Variants in ALDH1A2 observed in about 807,000 individuals in gnomAD.
The protein encoded by ALDH1A2 is retinal dehydrogenase 2.
A neutral mutation model predicts 60.3 loss-of-function variants in ALDH1A2; 27 were observed. The observed-to-expected ratio is 0.45, with a 90% CI of 0.33 to 0.62. The LOEUF (loss-of-function observed/expected upper bound fraction) is 0.62, where lower values mean the gene tolerates loss of function less well. Ranked by LOEUF, ALDH1A2 falls within the 20% of genes least tolerant of loss-of-function variation. The pLI is 0.02. For missense variants in ALDH1A2, 581 were observed against 643.8 expected (o/e 0.90, Z 1.06); for synonymous variants, 289 against 232.4 (o/e 1.24, Z -2.21).
rs1420006463 is a variant in ALDH1A2 at position 57,965,746 on chromosome 15, T to C, written c.880A>G (p.Ile294Val). Residue 294 changes from isoleucine to valine, a missense_variant, in exon 8 of 13, where the codon ATT (isoleucine) becomes GTT (valine). By Grantham distance (29) the Ile-to-Val change is conservative. Coordinates refer to ENST00000249750, the MANE Select transcript of ALDH1A2 (RefSeq NM_003888.4). ...TTACAGTCAGCATCAGCAAAAATAA[T>C]ATTAGGACTTTTGCCTCCAAGTTCC... Reference protein sequence around the residue: ...TLELGGKSPNIIFADADLDYA... With the variant: ...TLELGGKSPNVIFADADLDYA... 4 of 1,613,864 alleles carry C rather than the reference T, an allele frequency of 2.5e-6. No homozygotes were observed. The highest frequency in any genetic ancestry group is 1.3e-5 in the African/African-American group (1 of 74,940).
At chr15:58,019,430 T>G (rs182373364) in intron 1 of ALDH1A2, among the ~76,000 whole-genome samples, 4 of 152,326 alleles carry the variant, frequency 2.6e-5, no homozygotes, top group East Asian at 1.9e-4. Context: ...AGAATTAGTA[T>G]GAGGAAAAAT....
chr15:58,044,359 C>T (rs372995852), intron 1 of ALDH1A2, among the ~76,000 whole-genome samples: 31 of 151,908 alleles, frequency 2.0e-4, no homozygotes, highest in East Asian at 5.9e-4. Flanking sequence ...CCTGTGTCCA[C>T]GGGTTCTCAT....
Position 57,961,251 on chromosome 15 carries a change from T to C in ALDH1A2, c.1295A>G (p.Asp432Gly), listed in dbSNP as rs756250570. 4.3e-6 allele frequency: 7 copies of C among 1,614,094 alleles called. No individual in the cohort carries two copies. Among genetic ancestry groups the C allele is most frequent in the Non-Finnish European group, 4.2e-6 (5 of 1,179,992 alleles). The change falls in exon 11 of 13, where the codon GAT (aspartate) becomes GGT (glycine). Residue 432 changes from aspartate (D) to glycine (G), a missense_variant. Around this residue, in one of 2 missense-constraint regions of ALDH1A2, gnomAD observed 375 missense variants for 469.7 expected, o/e 0.80. Transcript: ENST00000249750. ...GTTATTGGCTCTTTCGATAACTTCATCCATCGTCTTAAATCTCAAAATTTC... is the reference window on the plus strand; with the variant it reads ...GTTATTGGCTCTTTCGATAACTTCACCCATCGTCTTAAATCTCAAAATTTC... ...VQEILRFKTM[D>G]EVIERANNSD...
chr15:58,022,349 T>C (rs1895950752), intron 1 of ALDH1A2, among the ~76,000 whole-genome samples: 1 of 152,136 alleles, frequency 6.6e-6, no homozygotes, highest in South Asian at 2.1e-4. Flanking sequence ...TACCTGCAAG[T>C]GCAACCTCGG....
chr15:57,977,947 C>T (rs1176347440), intron 7 of ALDH1A2, among the ~76,000 whole-genome samples: 2 of 152,026 alleles, frequency 1.3e-5, no homozygotes, highest in African/African-American at 4.8e-5. Context: ...GTATTTTATT[C>T]TCTTTATAGT....
At chr15:57,963,258 T>TGGGTTCTA (rs1410787815) in intron 9 of ALDH1A2, among the ~76,000 whole-genome samples, 1 of 152,146 alleles carries the variant, frequency 6.6e-6, no homozygotes, top group Non-Finnish European at 1.5e-5. Context: ...GGACTGGGAC[T>TGGGTTCTA]GGGTTCTAGT....
intron 7 of ALDH1A2, among the ~76,000 whole-genome samples, chr15:57,975,693 T>A (rs1894226357): frequency 6.6e-6 from 1 of 152,106 alleles, no homozygotes; most frequent in Non-Finnish European, 1.5e-5. Flanking sequence ...CATAGACAGA[T>A]CTCAAAATAA....
intron 7 of ALDH1A2, among the ~76,000 whole-genome samples, chr15:57,969,606 G>T (rs1237067942): frequency 6.6e-6 from 1 of 152,256 alleles, no homozygotes; most frequent in Admixed American, 6.5e-5. Context: ...TTTCCAAGTG[G>T]TTAAAAGTCA....
chr15:57,989,096 C>T (rs1381043006), intron 7 of ALDH1A2, among the ~76,000 whole-genome samples: 1 of 152,170 alleles, frequency 6.6e-6, no homozygotes, highest in African/African-American at 2.4e-5. Context: ...TTTCAGGGAG[C>T]CGAGATCACG....
At chr15:57,980,908 T>C (rs1041522010) in intron 7 of ALDH1A2, among the ~76,000 whole-genome samples, 12 of 152,322 alleles carry the variant, frequency 7.9e-5, no homozygotes, top group African/African-American at 1.4e-4. Context: ...TGAATCCGTC[T>C]GGTCCTGGGC....
chr15:57,973,323 G>A (rs1596073559), intron 7 of ALDH1A2, among the ~76,000 whole-genome samples: 1 of 152,154 alleles, frequency 6.6e-6, no homozygotes, highest in East Asian at 1.9e-4. Flanking sequence ...TTTAATCTGA[G>A]TAAAGTTGTT....
At chr15:58,038,988 G>C (rs1313741767) in intron 1 of ALDH1A2, among the ~76,000 whole-genome samples, 2 of 151,754 alleles carry the variant, frequency 1.3e-5, no homozygotes, top group South Asian at 2.1e-4. Flanking sequence ...ATTCACTCTG[G>C]AAAGTTTTTT....
At chr15:57,969,445 C>T (rs529603799) in intron 7 of ALDH1A2, among the ~76,000 whole-genome samples, 12 of 152,118 alleles carry the variant, frequency 7.9e-5, no homozygotes, top group East Asian at 3.9e-4. Flanking sequence ...TAAGAATGAA[C>T]GAATTACGCA....
At chr15:58,002,280 G>T (rs978454161) in intron 4 of ALDH1A2, among the ~76,000 whole-genome samples, 1 of 151,876 alleles carries the variant, frequency 6.6e-6, no homozygotes, top group Non-Finnish European at 1.5e-5. Context: ...TGCTGCTAGA[G>T]ATCAACAGTA....
At position 58,065,524 on chromosome 15, in the gene ALDH1A2, G is replaced by T. The variant is rs1466734285; in HGVS notation, c.117+10C>A. 3 of 1,605,730 alleles carry T rather than the reference G, an allele frequency of 1.9e-6. No homozygotes were observed. The highest frequency in any genetic ancestry group is 4.5e-5 in the East Asian group (2 of 44,808). On this transcript the variant is annotated intron_variant, in intron 1 of 12. Coordinates refer to ENST00000249750, the MANE Select transcript of ALDH1A2 (RefSeq NM_003888.4). The stretch of plus-strand genomic sequence containing the variant: ...TCTCCGTGGACGACGGGCGCTGGGC[G>T]GCCGCTTACCTTGGTGTACTTAATT...
chr15:58,006,358 T>C (rs1275674760), intron 4 of ALDH1A2, among the ~76,000 whole-genome samples: 1 of 152,046 alleles, frequency 6.6e-6, no homozygotes, highest in African/African-American at 2.4e-5. Context: ...TTCTGTTTTA[T>C]GTCAGAGTAG....
At chr15:57,992,651 C>A (rs1412970040) in intron 7 of ALDH1A2, 54 bp downstream of exon 7, 1 of 1,513,754 alleles carries the variant, frequency 6.6e-7, no homozygotes, top group African/African-American at 1.4e-5. Context: ...TTTTTGTAAC[C>A]CCTCAACTCA....
At chr15:57,976,915 C>G (rs529873202) in intron 7 of ALDH1A2, among the ~76,000 whole-genome samples, 1 of 152,300 alleles carries the variant, frequency 6.6e-6, no homozygotes, top group African/African-American at 2.4e-5. Flanking sequence ...CAAATCCTCT[C>G]CAGCATCTGT....
chr15:57,972,051 C>G (rs959135480), intron 7 of ALDH1A2, among the ~76,000 whole-genome samples: 2 of 152,140 alleles, frequency 1.3e-5, no homozygotes, highest in Non-Finnish European at 2.9e-5. Context: ...TGATTGAGCA[C>G]CTATTCTGTC....
Sources: gnomAD v4.1 joint callset for allele counts (sites outside exome capture counted in the v4.1 genomes callset) on GRCh38, gnomAD v4.1.1 for gene constraint, gnomAD v4.1.1 regional missense constraint, MANE v1.5 for transcripts, NCBI Gene and HGNC (gene_info 2026-07-23, HGNC 2026-07-21) for gene names.